PVT1: variants seen among roughly 807,000 people sequenced by gnomAD.
PVT1 encodes Pvt1 oncogene, also known as CXCR4/PVT1 fusion.
intron 2 of PVT1, among the ~76,000 whole-genome samples, chr8:127,874,933 T>G (rs895190110): frequency 7.5e-5 from 11 of 146,496 alleles, no homozygotes; most frequent in South Asian, 2.1e-4. Context: ...TGTGTGTGTG[T>G]GTGGGTGTGT....
chr8:128,076,817 ATCT>A (rs1307430782), intron 5 of PVT1, among the ~76,000 whole-genome samples: 6 of 152,342 alleles, frequency 3.9e-5, no homozygotes, highest in East Asian at 3.9e-4. Context: ...AGCCCATGAA[ATCT>A]TCTTGTTTCA....
At chr8:127,872,537 C>A (rs1815362656) in intron 2 of PVT1, among the ~76,000 whole-genome samples, 1 of 152,150 alleles carries the variant, frequency 6.6e-6, no homozygotes, top group East Asian at 1.9e-4. Context: ...GTGCCTCTAT[C>A]AAAATATCTC....
At chr8:127,980,791 CTT>C (rs11361552) in intron 3 of PVT1, among the ~76,000 whole-genome samples, 4,109 of 120,430 alleles carry the variant, frequency 0.034, 69 homozygotes, top group African/African-American at 0.061. Context: ...ACTACAGCTT[CTT>C]TTTTTTTTTT....
At chr8:127,904,524 A>G (rs888252400) in intron 3 of PVT1, among the ~76,000 whole-genome samples, 1 of 152,154 alleles carries the variant, frequency 6.6e-6, no homozygotes, top group African/African-American at 2.4e-5. Flanking sequence ...GTGTGTGTCT[A>G]TCTCTGGCCT....
chr8:128,056,459 G>A (rs1459594814), intron 4 of PVT1, among the ~76,000 whole-genome samples: 1 of 152,122 alleles, frequency 6.6e-6, no homozygotes, highest in African/African-American at 2.4e-5. Flanking sequence ...AAAATTGCAT[G>A]CATAGCTCGC....
intron 3 of PVT1, among the ~76,000 whole-genome samples, chr8:127,970,940 C>G (rs530015089): frequency 6.6e-6 from 1 of 152,312 alleles, no homozygotes; most frequent in Non-Finnish European, 1.5e-5. Flanking sequence ...AGCAAACTGA[C>G]AGGCTATCAG....
At chr8:127,832,603 A>G (rs965424974) in intron 2 of PVT1, among the ~76,000 whole-genome samples, 7 of 152,270 alleles carry the variant, frequency 4.6e-5, no homozygotes, top group Non-Finnish European at 1.0e-4. Context: ...TCACGCCTGT[A>G]ATCCCAGCAC....
intron 2 of PVT1, among the ~76,000 whole-genome samples, chr8:127,869,167 G>A (rs1325982876): frequency 6.6e-6 from 1 of 152,054 alleles, no homozygotes; most frequent in Non-Finnish European, 1.5e-5. Context: ...GTCTCGCTCT[G>A]TTGCCCAGGC....
chr8:128,100,453 CA>C (rs1234615279), intron 6 of PVT1, among the ~76,000 whole-genome samples: 1 of 152,124 alleles, frequency 6.6e-6, no homozygotes, highest in Non-Finnish European at 1.5e-5. Context: ...ATGAGAATTA[CA>C]GGGGGAGCAC....
chr8:127,914,305 G>T (rs1236692876), intron 3 of PVT1, among the ~76,000 whole-genome samples: 1 of 88,438 alleles, frequency 1.1e-5, no homozygotes, highest in African/African-American at 3.6e-5. Flanking sequence ...AAAAAAGGCA[G>T]AAAATAGCAA....
chr8:127,840,808 G>C (rs1161275704), intron 2 of PVT1, among the ~76,000 whole-genome samples: 3 of 152,276 alleles, frequency 2.0e-5, no homozygotes, highest in African/African-American at 7.2e-5. Context: ...AAGTTGGCCA[G>C]TATCTTCTCA....
chr8:127,829,878 A>G (rs1297225909), intron 2 of PVT1, among the ~76,000 whole-genome samples: 2 of 152,200 alleles, frequency 1.3e-5, no homozygotes, highest in Non-Finnish European at 2.9e-5. Flanking sequence ...GCCATGCTCC[A>G]CATGAAGGCT....
At chr8:127,816,919 T>A (rs985705516) in intron 2 of PVT1, among the ~76,000 whole-genome samples, 1 of 152,232 alleles carries the variant, frequency 6.6e-6, no homozygotes, top group African/African-American at 2.4e-5. Context: ...CTGTAGCTTA[T>A]TTTTCACTGT....
chr8:127,876,068 C>T (rs1013408658), intron 2 of PVT1, among the ~76,000 whole-genome samples: 1 of 151,882 alleles, frequency 6.6e-6, no homozygotes, highest in Non-Finnish European at 1.5e-5. Context: ...AACAGAGTTA[C>T]GGGGTTGGGC....
At chr8:127,851,186 C>T (rs553172787) in intron 2 of PVT1, among the ~76,000 whole-genome samples, 9 of 152,038 alleles carry the variant, frequency 5.9e-5, no homozygotes, top group South Asian at 2.1e-4. Flanking sequence ...GTGGTGAATC[C>T]GGGTGTTGTG....
chr8:127,942,843 T>C (rs77525549), intron 3 of PVT1, among the ~76,000 whole-genome samples: 6,487 of 152,324 alleles, frequency 0.043, 256 homozygotes, highest in African/African-American at 0.1. Context: ...TGTTCTGAAG[T>C]GGCTTTGGAA....
intron 3 of PVT1, among the ~76,000 whole-genome samples, chr8:127,930,608 C>T (rs927441333): frequency 1.3e-5 from 2 of 152,102 alleles, no homozygotes; most frequent in Admixed American, 1.3e-4. Flanking sequence ...GTGTGCATCT[C>T]CATCTATGAG....
At chr8:127,967,375 G>A (rs772837430) in intron 3 of PVT1, among the ~76,000 whole-genome samples, 2 of 152,192 alleles carry the variant, frequency 1.3e-5, no homozygotes, top group South Asian at 2.1e-4. Flanking sequence ...CGAAGGCTGC[G>A]CTCTTGTTTG....
chr8:127,967,216 G>A (rs557548906), intron 3 of PVT1, among the ~76,000 whole-genome samples: 20 of 152,254 alleles, frequency 1.3e-4, no homozygotes, highest in African/African-American at 4.6e-4. Flanking sequence ...AGAAGGACAG[G>A]GCCTTTCTTT....
Sources: gnomAD v4.1 joint callset for allele counts (sites outside exome capture counted in the v4.1 genomes callset) on GRCh38, gnomAD v4.1.1 for gene constraint, MANE v1.5 for transcripts, NCBI Gene and HGNC (gene_info 2026-07-23, HGNC 2026-07-21) for gene names.